The following ASIC5 variants were observed in gnomAD, a reference collection of about 807,000 sequenced individuals.
ASIC5 encodes the protein acid sensing ion channel subunit family member 5, also known as bile acid-sensitive ion channel.
ASIC5 carries 52 observed loss-of-function variants against 51.2 expected under a neutral mutation model. That is an observed-to-expected ratio of 1.02 (90% CI 0.81 to 1.28). The LOEUF (loss-of-function observed/expected upper bound fraction) is 1.28, where lower values mean the gene tolerates loss of function less well. Among genes scored for constraint, ASIC5 ranks in the 50% most tolerant of loss-of-function variants. ASIC5 has a pLI of 0.00. For missense variants in ASIC5, 635 were observed against 595.0 expected, an observed-to-expected ratio of 1.07 and a Z score of -0.70; for synonymous variants, 231 against 200.7, an observed-to-expected ratio of 1.15 and a Z score of -1.28.
intron 2 of ASIC5, among the ~76,000 whole-genome samples, chr4:155,861,611 A>G (rs1741707498): frequency 1.3e-5 from 2 of 152,160 alleles, no homozygotes; most frequent in South Asian, 4.1e-4. Flanking sequence ...CTTTCTAAAA[A>G]AATCCATTCT....
intron 7 of ASIC5, 105 bp from the exon 8 acceptor site, chr4:155,836,962 T>C (rs1475702326): frequency 2.4e-6 from 2 of 848,834 alleles, no homozygotes; most frequent in Non-Finnish European, 1.8e-6. Flanking sequence ...TAAAAAAAGG[T>C]GGTTACCAAC....
At chr4:155,856,328 CT>C (rs1741538844) in intron 2 of ASIC5, among the ~76,000 whole-genome samples, 1 of 152,082 alleles carries the variant, frequency 6.6e-6, no homozygotes, top group Non-Finnish European at 1.5e-5. Flanking sequence ...TATAATTTTT[CT>C]TTCAAATTCA....
At chr4:155,862,027 T>A (rs997874771) in intron 2 of ASIC5, among the ~76,000 whole-genome samples, 1 of 152,134 alleles carries the variant, frequency 6.6e-6, no homozygotes, top group African/African-American at 2.4e-5. Context: ...AAGATAAATA[T>A]TTTTTCACCA....
chr4:155,854,445 A>G (rs1205726482), intron 2 of ASIC5, 131 bp from the exon 3 acceptor site: 1 of 698,944 alleles, frequency 1.4e-6, no homozygotes. Flanking sequence ...AAGACATTTA[A>G]GCAAAATTTG....
chr4:155,860,232 A>G (rs1406199512), intron 2 of ASIC5, among the ~76,000 whole-genome samples: 1 of 151,896 alleles, frequency 6.6e-6, no homozygotes, highest in Non-Finnish European at 1.5e-5. Context: ...ATCCTATTTT[A>G]TCTCATAAAT....
At chr4:155,841,945 A>G (rs1257073653) in intron 6 of ASIC5, among the ~76,000 whole-genome samples, 1 of 152,214 alleles carries the variant, frequency 6.6e-6, no homozygotes, top group Non-Finnish European at 1.5e-5. Context: ...TTAAGTAAAT[A>G]TAAACATAAA....
At chr4:155,866,053 A>C in intron 1 of ASIC5, 134 bp downstream of exon 1, 1 of 488,566 alleles carries the variant, frequency 2.0e-6, no homozygotes, top group Non-Finnish European at 3.6e-6. Flanking sequence ...TTTAAAACTT[A>C]TATTACTTAT....
At chr4:155,857,409 C>T (rs1579297844) in intron 2 of ASIC5, among the ~76,000 whole-genome samples, 2 of 152,060 alleles carry the variant, frequency 1.3e-5, no homozygotes, top group East Asian at 3.9e-4. Flanking sequence ...TAGGCACTAG[C>T]CACTGTGTCT....
chr4:155,836,333 T>C (rs146066520), intron 8 of ASIC5, among the ~76,000 whole-genome samples: 1 of 152,344 alleles, frequency 6.6e-6, no homozygotes, highest in Non-Finnish European at 1.5e-5. Context: ...ATCTACCTTG[T>C]ACAGTTATTA....
In ASIC5 at chr4:155,863,681, G is replaced by A. The variant is rs769942790; in HGVS notation, c.114C>T (p.Asp38=). ...AGGAAGTGGAGATGGCAAAGTCATG[G>A]TCAAACTTCTTTCGCTCAGTGGGAG... ...LPSPTERKKF[D]HDFAISTSFH... The change falls in exon 2 of 10, where the codon GAC becomes GAT. Residue 38 remains aspartate (D), a synonymous_variant. Transcript: ENST00000537611. 9.9e-6 allele frequency: 16 copies of A among 1,613,810 alleles called. No individual in the cohort carries two copies. The Admixed American group carries it at 2.7e-4, about 27-fold the overall frequency.
chr4:155,841,081 G>A (rs1420206893), intron 6 of ASIC5, among the ~76,000 whole-genome samples: 1 of 152,062 alleles, frequency 6.6e-6, no homozygotes, highest in Admixed American at 6.6e-5. Context: ...AATACTCAGG[G>A]AGACTGATTT....
Position 155,863,577 on chromosome 4 carries a change from AC to A in ASIC5, c.217del (p.Val73SerfsTer4). The A allele has an allele frequency of 6.2e-7, 1 of 1,613,556 alleles. No homozygotes were observed. On this transcript the variant is annotated frameshift_variant, in exon 2 of 10. Transcript: ENST00000537611. LOFTEE classifies it high-confidence loss of function. Reference sequence around the variant, plus strand: ...GTAGATCTGCCATGTCACAAGTGAGACTGAGCCCAGAACCACCACCAACCAG... The same window carrying A: ...GTAGATCTGCCATGTCACAAGTGAGATGAGCCCAGAACCACCACCAACCAG... Reference protein sequence around the residue: ...VLWLVVVLGSVSLVTWQIYIR... With the variant: ...VLWLVVVLGSXSLVTWQIYIR...
chr4:155,834,133 G>A (rs1013729777), intron 8 of ASIC5, among the ~76,000 whole-genome samples: 6 of 152,004 alleles, frequency 3.9e-5, no homozygotes, highest in Non-Finnish European at 8.8e-5. Flanking sequence ...TTGGCCTAAC[G>A]TCAGACACAA....
intron 6 of ASIC5, among the ~76,000 whole-genome samples, chr4:155,839,891 G>C (rs1016276254): frequency 5.9e-5 from 9 of 152,028 alleles, no homozygotes; most frequent in African/African-American, 2.2e-4. Flanking sequence ...AAAGAACAAT[G>C]AAATTTTGGA....
chr4:155,830,020 A>G lies in ASIC5; in HGVS notation c.1354T>C (p.Phe452Leu), dbSNP rs1273850916. 1.3e-6 allele frequency: 2 copies of G among 1,571,332 alleles called. No individual in the cohort carries two copies. The highest frequency in any genetic ancestry group is 1.2e-5 in the South Asian group (1 of 83,468). Reference protein sequence around the residue: ...LADLGGQLGLFCGASLITIIE... With the variant: ...LADLGGQLGLLCGASLITIIE... Reference sequence around the variant, plus strand: ...ATCGTGATCAGACTGGCCCCACAAAATAGACCCAGCTGACCACCAAGATCT... The same window carrying G: ...ATCGTGATCAGACTGGCCCCACAAAGTAGACCCAGCTGACCACCAAGATCT... Residue 452 changes from phenylalanine (F) to leucine (L), a missense_variant, in exon 10 of 10, where the codon TTT becomes CTT. By Grantham distance (22) the Phe-to-Leu change is conservative. Coordinates refer to ENST00000537611, the MANE Select transcript of ASIC5 (RefSeq NM_017419.3).
At chr4:155,862,825 T>C (rs772185900) in intron 2 of ASIC5, among the ~76,000 whole-genome samples, 6 of 152,186 alleles carry the variant, frequency 3.9e-5, no homozygotes, top group Non-Finnish European at 8.8e-5. Flanking sequence ...GTTTGCAAAG[T>C]AGTTCCCTCT....
intron 3 of ASIC5, among the ~76,000 whole-genome samples, chr4:155,853,500 G>T (rs916733619): frequency 6.7e-6 from 1 of 149,896 alleles, no homozygotes; most frequent in Non-Finnish European, 1.5e-5. Flanking sequence ...AATAATAACA[G>T]GATTTTGTAT....
At chr4:155,849,856 A>C (rs1016992866) in intron 4 of ASIC5, among the ~76,000 whole-genome samples, 1 of 152,096 alleles carries the variant, frequency 6.6e-6, no homozygotes, top group Non-Finnish European at 1.5e-5. Flanking sequence ...GCCACTTTTC[A>C]TACCTGCCTA....
chr4:155,844,844 G>A (rs779992723), intron 4 of ASIC5, among the ~76,000 whole-genome samples: 20 of 151,996 alleles, frequency 1.3e-4, no homozygotes, highest in Non-Finnish European at 2.1e-4. Context: ...AATATACTTA[G>A]GGTCTAATCT....
Sources: allele counts gnomAD v4.1 joint callset (sites outside exome capture counted in the v4.1 genomes callset), GRCh38; gene constraint gnomAD v4.1.1; transcripts MANE v1.5; gene names NCBI Gene and HGNC (gene_info 2026-07-23, HGNC 2026-07-21).